Variants in SYTL4 observed in about 807,000 individuals in gnomAD.
SYTL4 encodes the protein synaptotagmin like 4.
Under a neutral mutation model 52.7 loss-of-function variants are expected in SYTL4, and 16 were observed. The ratio of observed to expected loss-of-function variants is 0.30; its 90% CI spans 0.21 to 0.46. The LOEUF is 0.46. Ranked by LOEUF, SYTL4 falls within the 20% of genes least tolerant of loss-of-function variation. The probability of loss-of-function intolerance (pLI) is 1.00; values close to 1 mark genes in which losing one functional copy is unlikely to be tolerated. For synonymous variants in SYTL4, 160 were observed against 186.6 expected, an observed-to-expected ratio of 0.86 and a Z score of 1.16; for missense variants, 423 against 519.9, an observed-to-expected ratio of 0.81 and a Z score of 1.81.
At position 100,675,909 on chromosome X, in the gene SYTL4, CACACACACACAT is replaced by C; in HGVS notation, c.*107_*118del. The C allele has an allele frequency of 9.0e-6, 6 of 667,500 alleles. No individual in the cohort carries two copies. The highest frequency in any genetic ancestry group is 2.2e-5 in the African/African-American group (1 of 45,146). 55.0% of individuals were successfully genotyped at this position (667,500 alleles called of 1,213,427 possible). ...GTTTGTACACATACACACACACACA[CACACACACACAT>C]ACACACATACACACATACACATTAA... On this transcript the variant is annotated 3_prime_UTR_variant, in exon 20 of 20. Coordinates refer to ENST00000372989, the MANE Select transcript of SYTL4 (RefSeq NM_001370165.1).
chrX:100,675,490 C>G lies in SYTL4; in HGVS notation c.*538G>C, dbSNP rs1569366777. The G allele has an allele frequency of 8.9e-6, 1 of 111,820 alleles. No individual in the cohort carries two copies. The highest frequency in any genetic ancestry group is 1.9e-5 in the Non-Finnish European group (1 of 53,178). 9.2% of individuals were successfully genotyped at this position (111,820 alleles called of 1,213,427 possible). A position where few individuals can be genotyped will look rare whatever the true frequency, so the allele number is the denominator to read the frequency against. Reference sequence around the variant, plus strand: ...AAAAGTTAAATTTAAAAGCCAAGTTCCAGAAGTTTATCCAGGTAGAAAATA... The same window carrying G: ...AAAAGTTAAATTTAAAAGCCAAGTTGCAGAAGTTTATCCAGGTAGAAAATA... On this transcript the variant is annotated 3_prime_UTR_variant, in exon 20 of 20. Coordinates refer to ENST00000372989, the MANE Select transcript of SYTL4 (RefSeq NM_001370165.1).
At position 100,691,201 on chromosome X, in the gene SYTL4, A is replaced by G. The variant is rs1411789495; in HGVS notation, c.548T>C (p.Phe183Ser). The G allele has an allele frequency of 8.3e-7, 1 of 1,200,933 alleles. No individual in the cohort carries two copies. The highest frequency in any genetic ancestry group is 3.0e-5 in the East Asian group (1 of 33,784). Reference sequence around the variant, plus strand: ...TCCACTTTTCAGCTTTGGCACTTCAAATAGCACACTAGAATAAAAACCAAG... The same window carrying G: ...TCCACTTTTCAGCTTTGGCACTTCAGATAGCACACTAGAATAAAAACCAAG... Reference protein sequence around the residue: ...QERQKEPSVLFEVPKLKSGKS... With the variant: ...QERQKEPSVLSEVPKLKSGKS... Residue 183 changes from phenylalanine (F) to serine (S), a missense_variant, in exon 9 of 20, where the codon TTT (phenylalanine) becomes TCT (serine). Coordinates refer to ENST00000372989, the MANE Select transcript of SYTL4 (RefSeq NM_001370165.1).
At chrX:100,691,010 G>A (rs2083586597) in intron 9 of SYTL4, 98 bp downstream of exon 9, 6 of 638,144 alleles carry the variant, frequency 9.4e-6, no homozygotes, top group Non-Finnish European at 1.5e-5. Context: ...AAAATACTTC[G>A]TTCAACTTCC....
chrX:100,730,221 T>A (rs1351130632), intron 2 of SYTL4, among the ~76,000 whole-genome samples: 1 of 111,506 alleles, frequency 9.0e-6, no homozygotes, highest in East Asian at 2.8e-4. Context: ...GTACTTATAG[T>A]GGTAACGTGG....
At position 100,716,450 on chromosome X, in the gene SYTL4, C is replaced by CAAAAAAA. The variant is rs200368843; in HGVS notation, c.-239-11571_-239-11565dup. Reference sequence around the variant, plus strand: ...GGGCAACAAGAGCAAAACTCCATCTCAAAAAAAAAAAAAAAAAAAAAAAAA... The same window carrying CAAAAAAA: ...GGGCAACAAGAGCAAAACTCCATCTCAAAAAAAAAAAAAAAAAAAAAAAAAAAAAAAA... On this transcript the variant is annotated intron_variant, in intron 2 of 19. Transcript: ENST00000372989. Among the ~76,000 whole-genome samples the CAAAAAAA allele has an allele frequency of 1.6e-3, 41 of 25,767 alleles. 1 individual carries two copies. Among genetic ancestry groups the CAAAAAAA allele is most frequent in the Admixed American group, 2.5e-3 (4 of 1,619 alleles). 22.4% of individuals were successfully genotyped at this position (25,767 alleles called of 115,157 possible).
chrX:100,677,592 T>C (rs2083300832), intron 19 of SYTL4, among the ~76,000 whole-genome samples: 2 of 111,655 alleles, frequency 1.8e-5, no homozygotes, highest in South Asian at 7.6e-4. Flanking sequence ...GCACCAACAT[T>C]TAGAGTTTGG....
chrX:100,697,022 C>T (rs917628627), intron 8 of SYTL4, among the ~76,000 whole-genome samples: 2 of 112,217 alleles, frequency 1.8e-5, no homozygotes, highest in African/African-American at 6.5e-5. Flanking sequence ...CAGCAAAGCT[C>T]CTTAACTAAT....
intron 8 of SYTL4, among the ~76,000 whole-genome samples, chrX:100,699,382 GAAAAAGAAAAGAAAAGA>G (rs1411492394): frequency 1.1e-4 from 5 of 46,686 alleles, no homozygotes; most frequent in African/African-American, 2.4e-4. Context: ...GAAAAGAAAA[GAAAAAGAAAAGAAAAGA>G]AAAAAGAAAA....
At chrX:100,731,754 A>G (rs932534887) in intron 1 of SYTL4, among the ~76,000 whole-genome samples, 1 of 111,775 alleles carries the variant, frequency 8.9e-6, no homozygotes, top group African/African-American at 3.3e-5. Context: ...CTGGAGAAAG[A>G]AAAGTGGCCG....
chrX:100,688,563 C>CTTT (rs746602688), intron 12 of SYTL4, 120 bp from the exon 13 acceptor site: 136 of 325,814 alleles, frequency 4.2e-4, no homozygotes, highest in Middle Eastern at 9.1e-4. Flanking sequence ...ACACATACTT[C>CTTT]TTTTTTTTTT....
Position 100,678,504 on chromosome X carries a change from T to C in SYTL4, c.1754A>G (p.Asn585Ser), listed in dbSNP as rs751866118. The C allele has an allele frequency of 3.3e-6, 4 of 1,208,437 alleles. No individual in the cohort carries two copies. Among genetic ancestry groups the C allele is most frequent in the East Asian group, 3.0e-5 (1 of 33,770 alleles). Residue 585 changes from asparagine to serine, a missense_variant, in exon 19 of 20, where the codon AAT becomes AGT. Transcript: ENST00000372989. ...CTGTAGATCTTCCAGCCTCACACCA[T>C]TGTAGACAAATGTATGGTTGTAGTG... ...NPHYNHTFVY[N>S]GVRLEDLQHM...
chrX:100,700,065 T>A (rs1458575820), intron 8 of SYTL4, among the ~76,000 whole-genome samples: 1 of 111,102 alleles, frequency 9.0e-6, no homozygotes, highest in East Asian at 2.8e-4. Context: ...TGAGTGATTG[T>A]TTAGGGATCA....
At chrX:100,680,873 A>C (rs998196312) in intron 17 of SYTL4, among the ~76,000 whole-genome samples, 2 of 111,068 alleles carry the variant, frequency 1.8e-5, no homozygotes, top group Non-Finnish European at 3.8e-5. Flanking sequence ...TGGCATGTTG[A>C]ATTACTCTTC....
chrX:100,700,035 A>T (rs958837630), intron 8 of SYTL4, among the ~76,000 whole-genome samples: 7 of 111,252 alleles, frequency 6.3e-5, no homozygotes, highest in African/African-American at 2.3e-4. Flanking sequence ...ATAGGCAAAT[A>T]CAGAGAGACA....
chrX:100,718,329 A>G (rs1020029440), intron 2 of SYTL4, among the ~76,000 whole-genome samples: 2 of 112,092 alleles, frequency 1.8e-5, no homozygotes, highest in African/African-American at 3.2e-5. Flanking sequence ...TAGTAATTAG[A>G]TATGATCAGT....
intron 2 of SYTL4, among the ~76,000 whole-genome samples, chrX:100,719,548 ACCT>A (rs200218811): frequency 0.12 from 13,221 of 109,625 alleles, 1,580 homozygotes; most frequent in African/African-American, 0.37. Flanking sequence ...CAGACCCCTG[ACCT>A]CCTCCTGCAA....
chrX:100,676,549 A>G, intron 19 of SYTL4, among the ~76,000 whole-genome samples: 1 of 111,890 alleles, frequency 8.9e-6, no homozygotes. Context: ...CAGTGGCACA[A>G]TCTTGGCTCA....
chrX:100,692,449 T>C (rs751474397), intron 8 of SYTL4, among the ~76,000 whole-genome samples: 1 of 111,969 alleles, frequency 8.9e-6, no homozygotes, highest in South Asian at 3.8e-4. Context: ...ATTGAATAAA[T>C]GCCCTCAGTG....
chrX:100,681,455 T>C (rs1489369664), intron 16 of SYTL4, 120 bp from the exon 17 acceptor site: 1 of 497,438 alleles, frequency 2.0e-6, no homozygotes, highest in African/African-American at 2.4e-5. Flanking sequence ...AGAGGATCCT[T>C]CTTCATATGA....
Sources: allele counts gnomAD v4.1 joint callset (sites outside exome capture counted in the v4.1 genomes callset), GRCh38; gene constraint gnomAD v4.1.1; transcripts MANE v1.5; gene names NCBI Gene and HGNC (gene_info 2026-07-23, HGNC 2026-07-21).